The following ALG12 variants were observed in gnomAD, a reference collection of about 807,000 sequenced individuals.
The protein encoded by ALG12 is ALG12 alpha-1,6-mannosyltransferase.
In ALG12, 36 loss-of-function variants were observed where a neutral mutation model predicts 46.0. The ratio of observed to expected loss-of-function variants is 0.78; its 90% CI spans 0.60 to 1.03. The LOEUF is 1.03. Among genes scored for constraint, ALG12 ranks in the 50% least tolerant of loss-of-function variants. ALG12 has a pLI of 0.00. For missense variants in ALG12, 599 were observed against 633.5 expected (o/e 0.95, Z 0.58); for synonymous variants, 326 against 291.6 (o/e 1.12, Z -1.20).
intron 1 of ALG12, among the ~76,000 whole-genome samples, chr22:49,916,554 T>C (rs2060610210): frequency 6.6e-6 from 1 of 152,104 alleles, no homozygotes; most frequent in Non-Finnish European, 1.5e-5. Context: ...TACTCCAGCC[T>C]GGACAACAGA....
intron 6 of ALG12, among the ~76,000 whole-genome samples, chr22:49,908,539 A>C (rs1271038714): frequency 3.4e-5 from 5 of 145,030 alleles, no homozygotes; most frequent in South Asian, 2.3e-4. Flanking sequence ...AAAAAAAAAA[A>C]AAAAAAACCA....
chr22:49,887,490 T>A, the ALG12 span: 64 of 253,706 alleles, frequency 2.5e-4, no homozygotes, highest in Non-Finnish European at 4.9e-4. Context: ...TTTACTAGAA[T>A]GACAAAGAAG....
At chr22:49,861,027 C>T in the ALG12 span, among the ~76,000 whole-genome samples, 1 of 151,802 alleles carries the variant, frequency 6.6e-6, no homozygotes, top group African/African-American at 2.4e-5. Flanking sequence ...CCACCCACCT[C>T]GGCCTCCCAA....
the ALG12 span, among the ~76,000 whole-genome samples, chr22:49,872,109 C>A: frequency 2.0e-5 from 3 of 152,176 alleles, no homozygotes; most frequent in Non-Finnish European, 2.9e-5. Context: ...AAAGAGTTCT[C>A]CATAGTGTAC....
At position 49,913,564 on chromosome 22, in the gene ALG12, T is replaced by C. The variant is rs1027257550; in HGVS notation, c.162+40A>G. ...AGTGCACCGGGGCCCTGCCAGCTGG[T>C]AACATGAGGTTTTCCCCAAAGACAG... On this transcript the variant is annotated intron_variant, in intron 2 of 9. Coordinates refer to ENST00000330817, the MANE Select transcript of ALG12 (RefSeq NM_024105.4). 3.1e-6 allele frequency: 5 copies of C among 1,613,712 alleles called. No homozygotes were observed. In the African/African-American group the frequency reaches 5.3e-5, roughly 17 times the overall value.
the ALG12 span, among the ~76,000 whole-genome samples, chr22:49,864,943 C>CTCG: frequency 9.2e-5 from 1 of 10,892 alleles, no homozygotes; most frequent in Admixed American, 9.4e-4. Flanking sequence ...GCAAGCCCCC[C>CTCG]CCCCCCCCCG....
the ALG12 span, chr22:49,885,376 G>A: frequency 2.2e-5 from 35 of 1,594,060 alleles, no homozygotes; most frequent in East Asian, 4.5e-5. Context: ...TATTTGCTCC[G>A]CAGACTCCAC....
chr22:49,876,343 C>T, the ALG12 span, among the ~76,000 whole-genome samples: 6 of 151,972 alleles, frequency 3.9e-5, no homozygotes, highest in Non-Finnish European at 8.8e-5. Flanking sequence ...TTTTTATGTA[C>T]CTGTTGGTTA....
chr22:49,859,614 G>A, the ALG12 span, among the ~76,000 whole-genome samples: 1 of 152,218 alleles, frequency 6.6e-6, no homozygotes, highest in South Asian at 2.1e-4. Context: ...TAGTCATTGT[G>A]CTTGTCTGTT....
At chr22:49,913,547 G>A (rs374352838) in intron 2 of ALG12, 30 bp from the exon 3 acceptor site, 50 of 1,613,792 alleles carry the variant, frequency 3.1e-5, no homozygotes, top group Middle Eastern at 1.6e-4. Flanking sequence ...TCAGTGCACC[G>A]GGGCCCTGCC....
rs762256657 is a variant in ALG12, at chr22:49,903,946, G to T, written c.1359C>A (p.Ser453Arg). ...LYRDTHRVLA[S>R]VVGTTGVSLN... ...GACTCACACCTGTGGTCCCCACGAC[G>T]CTGGCCAGGACCCGGTGTGTGTCCC... The change falls in exon 10 of 10, where the codon AGC (serine) becomes AGA (arginine). Residue 453 changes from serine to arginine, a missense_variant. Coordinates refer to ENST00000330817, the MANE Select transcript of ALG12 (RefSeq NM_024105.4). The T allele has an allele frequency of 6.2e-7, 1 of 1,614,208 alleles. No homozygotes were observed. Among genetic ancestry groups the T allele is most frequent in the Non-Finnish European group, 8.5e-7 (1 of 1,180,012 alleles).
chr22:49,910,814 T>C lies in ALG12; in HGVS notation c.296-207A>G, dbSNP rs562497336. On this transcript the variant is annotated intron_variant, in intron 3 of 9. Transcript: ENST00000330817. ...ACTGGACCCAGGCCCCCTGCGCTCC[T>C]GTCGGGAACTGAGGACCCTTGCGGG... Among the ~76,000 whole-genome samples, 7 of 152,360 alleles carry C rather than the reference T, an allele frequency of 4.6e-5. No individual in the cohort carries two copies. In the South Asian group the frequency reaches 1.2e-3, roughly 27 times the overall value.
chr22:49,871,920 A>AT, the ALG12 span, among the ~76,000 whole-genome samples: 1,469 of 151,932 alleles, frequency 9.7e-3, 17 homozygotes, highest in South Asian at 0.068. Context: ...TAATTTTTGT[A>AT]TTTTTAGTAG....
At chr22:49,862,891 A>G in the ALG12 span, among the ~76,000 whole-genome samples, 1 of 151,680 alleles carries the variant, frequency 6.6e-6, no homozygotes, top group Non-Finnish European at 1.5e-5. Flanking sequence ...TAGTAGAGAC[A>G]GGGTTTCACC....
downstream of ALG12, among the ~76,000 whole-genome samples, chr22:49,896,476 GCAGGCC>G (rs1380027310): frequency 6.6e-6 from 1 of 152,206 alleles, no homozygotes; most frequent in African/African-American, 2.4e-5. Context: ...GAGCCCTTAT[GCAGGCC>G]CAGGTCCTGG....
chr22:49,871,757 ATTTTT>A, the ALG12 span, among the ~76,000 whole-genome samples: 133 of 62,170 alleles, frequency 2.1e-3, 1 homozygote, highest in African/African-American at 3.9e-3. Flanking sequence ...TTATTTATTT[ATTTTT>A]TTTTTTTTTT....
the ALG12 span, among the ~76,000 whole-genome samples, chr22:49,894,324 G>A: frequency 1.3e-5 from 2 of 152,214 alleles, no homozygotes; most frequent in Non-Finnish European, 2.9e-5. Flanking sequence ...AGGAAACAGA[G>A]GCAAATGGTA....
At chr22:49,865,534 G>A in the ALG12 span, among the ~76,000 whole-genome samples, 1 of 152,002 alleles carries the variant, frequency 6.6e-6, no homozygotes, top group Non-Finnish European at 1.5e-5. Context: ...TAAAATACAG[G>A]TGTGGTGGCA....
chr22:49,861,274 T>C, the ALG12 span, among the ~76,000 whole-genome samples: 1 of 151,976 alleles, frequency 6.6e-6, no homozygotes, highest in Admixed American at 6.6e-5. Flanking sequence ...CCTGAGTAGC[T>C]GGGACTACAG....
Sources: allele counts gnomAD v4.1 joint callset (sites outside exome capture counted in the v4.1 genomes callset), GRCh38; gene constraint gnomAD v4.1.1; transcripts MANE v1.5; gene names NCBI Gene and HGNC (gene_info 2026-07-23, HGNC 2026-07-21).